Variants in PTK2 observed in about 807,000 individuals in gnomAD.
PTK2 encodes the protein protein tyrosine kinase 2.
PTK2 carries 45 observed loss-of-function variants against 150.1 expected under a neutral mutation model. The observed-to-expected ratio is 0.30, with a 90% CI of 0.24 to 0.38. PTK2 has a LOEUF of 0.38. Among genes scored for constraint, PTK2 ranks in the 10% least tolerant of loss-of-function variants. The pLI is 1.00. For synonymous variants in PTK2, 432 were observed against 449.2 expected (o/e 0.96, Z 0.48); for missense variants, 919 against 1,307.3 (o/e 0.70, Z 4.58).
chr8:140,721,830 A>G lies in PTK2; in HGVS notation c.2031-4121T>C, dbSNP rs546101556. 2.0e-5 allele frequency: 3 copies of G among 152,218 alleles called. No homozygotes were observed. The South Asian group carries it at 6.2e-4, about 32-fold the overall frequency. 9.4% of individuals were successfully genotyped at this position (152,218 alleles called of 1,614,324 possible). A position where few individuals can be genotyped will look rare whatever the true frequency, so the allele number is the denominator to read the frequency against. ...GTTCCTCCAGAAAAATCTTCCCTGA[A>G]GCTCCCTCCTCCCTTTAGGCTAAGT... On this transcript the variant is annotated intron_variant, in intron 22 of 31. Coordinates refer to ENST00000522684, the Ensembl canonical transcript of PTK2.
At chr8:140,717,746 A>G in intron 22 of PTK2, 37 bp from the exon 26 acceptor site, 2 of 1,559,248 alleles carry the variant, frequency 1.3e-6, no homozygotes, top group South Asian at 2.2e-5. Context: ...GGAGCTGACA[A>G]CCCAGAGTTA....
chr8:140,678,728 C>T (rs950813187), intron 27 of PTK2, among the ~76,000 whole-genome samples: 1 of 151,978 alleles, frequency 6.6e-6, no homozygotes, highest in Non-Finnish European at 1.5e-5. Context: ...TGTAGCAACC[C>T]GGGAGAAGAG....
At chr8:140,927,940 GAAAAAAAA>G (rs779534564) in intron 1 of PTK2, among the ~76,000 whole-genome samples, 10 of 36,282 alleles carry the variant, frequency 2.8e-4, no homozygotes, top group Non-Finnish European at 4.3e-4. Context: ...ATCTCAAAAA[GAAAAAAAA>G]AAAAAAAAAG....
chr8:140,932,359 C>T (rs976039492), intron 1 of PTK2, among the ~76,000 whole-genome samples: 8 of 151,878 alleles, frequency 5.3e-5, no homozygotes, highest in Non-Finnish European at 7.4e-5. Context: ...GGATCACAGG[C>T]GCCCACCACC....
intron 2 of PTK2, among the ~76,000 whole-genome samples, chr8:140,891,888 C>A (rs2100154376): frequency 6.6e-6 from 1 of 152,170 alleles, no homozygotes. Context: ...GCTTTGTAAA[C>A]CTGGAGTACA....
rs1593836297 is a variant in PTK2, at chr8:140,752,138, G to C, written c.1417+94C>G. The C allele has an allele frequency of 9.1e-6, 10 of 1,104,048 alleles. No homozygotes were observed. In the East Asian group the frequency reaches 2.4e-4, roughly 26 times the overall value. 68.4% of individuals were successfully genotyped at this position (1,104,048 alleles called of 1,614,324 possible). A position where few individuals can be genotyped will look rare whatever the true frequency, so the allele number is the denominator to read the frequency against. On this transcript the variant is annotated intron_variant, in intron 17 of 31. Coordinates refer to ENST00000522684, the Ensembl canonical transcript of PTK2. ...TAATAAACATAGTTGTCTCCTAAAA[G>C]TCAAAACACTATTTTTCTTATTTCT...
At chr8:140,781,298 T>A (rs191999077) in intron 14 of PTK2, among the ~76,000 whole-genome samples, 80 of 152,320 alleles carry the variant, frequency 5.3e-4, no homozygotes, top group African/African-American at 1.8e-3. Context: ...AATAATATAT[T>A]TTTTTAAAAA....
intron 23 of PTK2, among the ~76,000 whole-genome samples, chr8:140,716,944 C>T (rs763877837): frequency 1.3e-5 from 2 of 152,070 alleles, no homozygotes; most frequent in Non-Finnish European, 2.9e-5. Flanking sequence ...TGGCTAAAAC[C>T]CCCAGCCATG....
chr8:140,923,122 C>A (rs1214522071), intron 2 of PTK2, among the ~76,000 whole-genome samples: 1 of 152,138 alleles, frequency 6.6e-6, no homozygotes, highest in African/African-American at 2.4e-5. Flanking sequence ...TTTCAATATC[C>A]AAATATCATC....
intron 31 of PTK2, among the ~76,000 whole-genome samples, chr8:140,661,416 TAGGGGATTGGGAA>T (rs1395196148): frequency 6.6e-6 from 1 of 152,098 alleles, no homozygotes; most frequent in Non-Finnish European, 1.5e-5. Context: ...TGCATGTGTG[TAGGGGATTGGGAA>T]CAGACATGCA....
intron 22 of PTK2, among the ~76,000 whole-genome samples, chr8:140,731,241 T>C (rs1371481229): frequency 1.3e-5 from 2 of 152,200 alleles, no homozygotes; most frequent in African/African-American, 4.8e-5. Context: ...ATTACAGGCT[T>C]GAGCCACTGC....
chr8:140,732,310 G>A (rs767817514), intron 22 of PTK2, among the ~76,000 whole-genome samples: 1 of 152,168 alleles, frequency 6.6e-6, no homozygotes, highest in Non-Finnish European at 1.5e-5. Flanking sequence ...AATGCAGAAT[G>A]AATGAATGCT....
rs1285781125 is a variant in PTK2 at position 140,841,646 on chromosome 8, T to C, written c.593+4614A>G. Among the ~76,000 whole-genome samples the C allele has an allele frequency of 3.9e-5, 6 of 151,904 alleles. No individual in the cohort carries two copies. In the East Asian group the frequency reaches 1.2e-3, roughly 29 times the overall value. ...AATGATGAGAGCCATATACACATAG[T>C]TGAAAGAAAATGACGAGCTGGGAAA... On this transcript the variant is annotated intron_variant, in intron 7 of 31. Transcript: ENST00000522684.
At chr8:140,733,779 T>C (rs1437527650) in intron 22 of PTK2, among the ~76,000 whole-genome samples, 2 of 152,008 alleles carry the variant, frequency 1.3e-5, no homozygotes, top group Non-Finnish European at 2.9e-5. Flanking sequence ...AAAGGCAGAG[T>C]AGGGTTGTTC....
chr8:140,685,131 C>G (rs1057275408), intron 27 of PTK2, among the ~76,000 whole-genome samples: 1 of 152,092 alleles, frequency 6.6e-6, no homozygotes, highest in African/African-American at 2.4e-5. Context: ...TTGGCAAAAA[C>G]AAGCAATGGG....
Position 140,890,599 on chromosome 8 carries a change from T to G in PTK2, c.139A>C (p.Ser47Arg), listed in dbSNP as rs2100153902. ...ATACTGGCCCAGGTGGTTGGCTCAC[T>G]ATTGCTTTCAAAATAATGAAAGACC... The change falls in exon 3 of 32, where the codon AGT becomes CGT. Residue 47 changes from serine (S) to arginine (R), a missense_variant. By Grantham distance (110) the Ser-to-Arg change is moderately radical. Around this residue, in one of 3 missense-constraint regions of PTK2, gnomAD observed 555 missense variants for 880.1 expected, o/e 0.63. Coordinates refer to ENST00000522684, the Ensembl canonical transcript of PTK2. 3 of 1,614,028 alleles carry G rather than the reference T, an allele frequency of 1.9e-6. No individual in the cohort carries two copies. The South Asian group carries it at 3.3e-5, about 18-fold the overall frequency.
intron 5 of PTK2, among the ~76,000 whole-genome samples, chr8:140,856,463 A>C (rs1183428218): frequency 1.3e-5 from 2 of 152,264 alleles, no homozygotes; most frequent in African/African-American, 4.8e-5. Context: ...ATATAACAGA[A>C]TACTACTCAA....
intron 10 of PTK2, among the ~76,000 whole-genome samples, chr8:140,805,051 TC>T (rs938486266): frequency 1.3e-5 from 2 of 152,210 alleles, no homozygotes; most frequent in Admixed American, 1.3e-4. Flanking sequence ...GCCCTGTTAT[TC>T]CCCCTAGTTC....
At chr8:140,668,311 T>A (rs370304120) in exon 30 of PTK2, 2 of 1,614,010 alleles carry the variant, frequency 1.2e-6, no homozygotes, top group African/African-American at 2.7e-5. Flanking sequence ...CTGGCTGGAT[T>A]TTACTGGACA....
Sources: gnomAD v4.1 joint callset for allele counts (sites outside exome capture counted in the v4.1 genomes callset) on GRCh38, gnomAD v4.1.1 for gene constraint, gnomAD v4.1.1 regional missense constraint, MANE v1.5 for transcripts, NCBI Gene and HGNC (gene_info 2026-07-23, HGNC 2026-07-21) for gene names.